Variants in LDLRAD3 observed in about 807,000 individuals in gnomAD.
LDLRAD3 encodes the protein low-density lipoprotein receptor class A domain-containing protein 3.
LDLRAD3 carries 20 observed loss-of-function variants against 29.4 expected under a neutral mutation model. That is an observed-to-expected ratio of 0.68 (90% confidence interval 0.48 to 0.99). LDLRAD3 has a LOEUF of 0.99. Ranked by LOEUF, LDLRAD3 falls within the 50% of genes least tolerant of loss-of-function variation. LDLRAD3 has a pLI of 0.00. For missense variants in LDLRAD3, 420 were observed against 454.3 expected, an observed-to-expected ratio of 0.92 and a Z score of 0.69; for synonymous variants, 157 against 192.7, an observed-to-expected ratio of 0.81 and a Z score of 1.53.
intron 1 of LDLRAD3, among the ~76,000 whole-genome samples, chr11:35,962,264 T>C (rs1416075398): frequency 1.4e-4 from 22 of 152,314 alleles, no homozygotes; most frequent in African/African-American, 5.1e-4. Context: ...CTAGGGGTAT[T>C]CTCTTTCATG....
intron 4 of LDLRAD3, among the ~76,000 whole-genome samples, chr11:36,183,767 C>T (rs35873090): frequency 0.048 from 7,335 of 152,136 alleles, 569 homozygotes; most frequent in African/African-American, 0.16. Context: ...GTTAACCTCT[C>T]GTCCATATTT....
chr11:36,146,707 G>T (rs138245575), intron 4 of LDLRAD3, among the ~76,000 whole-genome samples: 16 of 151,446 alleles, frequency 1.1e-4, no homozygotes, highest in African/African-American at 3.6e-4. Flanking sequence ...CTCTGCTTCC[G>T]TCTTCACCTG....
At chr11:36,161,791 T>G (rs573512402) in intron 4 of LDLRAD3, among the ~76,000 whole-genome samples, 17 of 152,360 alleles carry the variant, frequency 1.1e-4, no homozygotes, top group African/African-American at 4.1e-4. Flanking sequence ...AGAACAAGTG[T>G]AAGTTCTTGA....
intron 1 of LDLRAD3, among the ~76,000 whole-genome samples, chr11:36,022,042 G>A (rs1852104299): frequency 6.6e-6 from 1 of 152,094 alleles, no homozygotes. Context: ...CTGTTAGCAG[G>A]GAGCAATGGA....
At chr11:36,160,259 C>T (rs528138077) in intron 4 of LDLRAD3, among the ~76,000 whole-genome samples, 27 of 152,304 alleles carry the variant, frequency 1.8e-4, no homozygotes, top group African/African-American at 5.8e-4. Flanking sequence ...TCAGTCCCCT[C>T]TGCCCTTTGT....
intron 4 of LDLRAD3, among the ~76,000 whole-genome samples, chr11:36,177,191 C>T (rs2133353885): frequency 6.6e-6 from 1 of 152,138 alleles, no homozygotes; most frequent in African/African-American, 2.4e-5. Flanking sequence ...ATGATATTTA[C>T]TTCTAAGGAG....
chr11:36,181,230 TAAA>T (rs5791085), intron 4 of LDLRAD3, among the ~76,000 whole-genome samples: 3,278 of 146,774 alleles, frequency 0.022, 112 homozygotes, highest in African/African-American at 0.075. Flanking sequence ...CTACACATGG[TAAA>T]AAAAAAAAAA....
intron 4 of LDLRAD3, among the ~76,000 whole-genome samples, chr11:36,161,133 C>G (rs1216365194): frequency 6.6e-6 from 1 of 152,186 alleles, no homozygotes; most frequent in Non-Finnish European, 1.5e-5. Context: ...GCCCGTCTCT[C>G]CTTCTGTGCA....
intron 2 of LDLRAD3, among the ~76,000 whole-genome samples, chr11:36,044,808 G>A (rs1412284700): frequency 6.6e-6 from 1 of 152,220 alleles, no homozygotes; most frequent in Non-Finnish European, 1.5e-5. Context: ...ATTCAGATGG[G>A]GACCTATGTC....
intron 1 of LDLRAD3, among the ~76,000 whole-genome samples, chr11:36,019,562 T>G (rs1423952646): frequency 6.6e-6 from 1 of 152,134 alleles, no homozygotes; most frequent in Admixed American, 6.5e-5. Context: ...TCCCAGCACT[T>G]CAGTGGCCGT....
At chr11:36,138,112 A>G (rs1854028468) in intron 4 of LDLRAD3, among the ~76,000 whole-genome samples, 1 of 152,256 alleles carries the variant, frequency 6.6e-6, no homozygotes, top group Non-Finnish European at 1.5e-5. Context: ...CAGTGACACC[A>G]GCAGGCTGTC....
intron 4 of LDLRAD3, among the ~76,000 whole-genome samples, chr11:36,215,687 A>AT (rs1446469721): frequency 1.1e-4 from 17 of 152,298 alleles, no homozygotes; most frequent in African/African-American, 4.1e-4. Flanking sequence ...CGTTGTGTTC[A>AT]GATCTGAAAT....
At chr11:36,042,906 A>G (rs1011703616) in intron 2 of LDLRAD3, among the ~76,000 whole-genome samples, 8 of 152,208 alleles carry the variant, frequency 5.3e-5, no homozygotes, top group African/African-American at 1.9e-4. Flanking sequence ...TGGCCATCAG[A>G]ACTGTGAGAC....
chr11:36,166,213 C>T (rs548098360), intron 4 of LDLRAD3, among the ~76,000 whole-genome samples: 2 of 152,286 alleles, frequency 1.3e-5, no homozygotes, highest in African/African-American at 4.8e-5. Context: ...TTCTTTGACA[C>T]AGTTCATTAA....
chr11:36,055,661 G>A (rs1031430000), intron 2 of LDLRAD3, among the ~76,000 whole-genome samples: 11 of 152,214 alleles, frequency 7.2e-5, no homozygotes, highest in Non-Finnish European at 1.6e-4. Context: ...AAACCACAGC[G>A]CTAAAAGACA....
At chr11:36,128,125 T>TATGTATATATAC (rs1436125018) in intron 4 of LDLRAD3, among the ~76,000 whole-genome samples, 4 of 127,758 alleles carry the variant, frequency 3.1e-5, no homozygotes, top group African/African-American at 1.1e-4. Context: ...TACATATATA[T>TATGTATATATAC]ATATATATAT....
chr11:36,015,324 GC>G (rs1852008118), intron 1 of LDLRAD3, among the ~76,000 whole-genome samples: 1 of 30,342 alleles, frequency 3.3e-5, no homozygotes, highest in East Asian at 8.0e-4. Flanking sequence ...CCCGCCCCCT[GC>G]CCCCATTGCC....
chr11:36,134,060 A>T (rs1031555893), intron 4 of LDLRAD3, among the ~76,000 whole-genome samples: 1 of 152,088 alleles, frequency 6.6e-6, no homozygotes, highest in South Asian at 2.1e-4. Context: ...GTATAACAGG[A>T]ATGGAGATAA....
chr11:35,973,561 T>A (rs1851441658), intron 1 of LDLRAD3, among the ~76,000 whole-genome samples: 1 of 152,110 alleles, frequency 6.6e-6, no homozygotes, highest in South Asian at 2.1e-4. Context: ...GCCTCCTGGG[T>A]TCAAGCTATT....
Sources: allele counts gnomAD v4.1 joint callset (sites outside exome capture counted in the v4.1 genomes callset), GRCh38; gene constraint gnomAD v4.1.1; transcripts MANE v1.5; gene names NCBI Gene and HGNC (gene_info 2026-07-23, HGNC 2026-07-21).